RP1: variants seen among roughly 807,000 people sequenced by gnomAD.
The protein encoded by RP1 is RP1 axonemal microtubule associated, also known as oxygen-regulated protein 1.
A neutral mutation model predicts 14.8 loss-of-function variants in RP1; 16 were observed. The ratio of observed to expected loss-of-function variants is 1.08; its 90% CI spans 0.73 to 1.65. The LOEUF is 1.65. Among genes scored for constraint, RP1 ranks in the 40% most tolerant of loss-of-function variants. The pLI is 0.00. For synonymous variants in RP1, 876 were observed against 883.6 expected, an observed-to-expected ratio of 0.99 and a Z score of 0.15; for missense variants, 2,631 against 2,535.0, an observed-to-expected ratio of 1.04 and a Z score of -0.81.
At chr8:54,803,259 A>T (rs72650368) in intron 24 of RP1, among the ~76,000 whole-genome samples, 10,706 of 152,242 alleles carry the variant, frequency 0.07, 539 homozygotes, top group Non-Finnish European at 0.11. Context: ...CTATATGAAC[A>T]TGTTCCTCAC....
chr8:54,819,035 A>G (rs935499374), intron 24 of RP1, among the ~76,000 whole-genome samples: 1 of 152,058 alleles, frequency 6.6e-6, no homozygotes, highest in African/African-American at 2.4e-5. Flanking sequence ...GAACACATTC[A>G]TTATAAACTT....
chr8:54,681,780 G>A lies in RP1; in HGVS notation c.1717+1847G>A, dbSNP rs149902465. ...CATCATTCAGCTCCCACTTATAAGT[G>A]AGAACATGCAGTGTTTGGTTTTCTG... On this transcript the variant is annotated intron_variant, in intron 12 of 22. Transcript: ENST00000636932. Among the ~76,000 whole-genome samples the A allele has an allele frequency of 3.2e-4, 49 of 152,198 alleles. No homozygotes were observed. The East Asian group carries it at 9.3e-3, about 29-fold the overall frequency.
chr8:54,778,176 T>A (rs1412318605), intron 23 of RP1, among the ~76,000 whole-genome samples: 1 of 152,172 alleles, frequency 6.6e-6, no homozygotes, highest in Non-Finnish European at 1.5e-5. Flanking sequence ...TTCAGGGACT[T>A]ACAATCTGGG....
chr8:54,674,415 A>T (rs1807247919), intron 8 of RP1, among the ~76,000 whole-genome samples: 2 of 151,876 alleles, frequency 1.3e-5, no homozygotes, highest in Admixed American at 1.3e-4. Flanking sequence ...GATGACTCAC[A>T]TCTTCCCAAT....
intron 15 of RP1, among the ~76,000 whole-genome samples, chr8:54,708,282 C>T (rs1290328280): frequency 6.6e-6 from 1 of 151,832 alleles, no homozygotes; most frequent in Non-Finnish European, 1.5e-5. Flanking sequence ...GGGTAGTAAC[C>T]AAAGGGATAG....
Position 54,625,870 on chromosome 8 carries a change from A to T in RP1, c.1988A>T (p.Lys663Met). Residue 663 changes from lysine (K) to methionine (M), a missense_variant, in exon 4 of 4, where the codon AAG becomes ATG. Lys to Met is a moderately conservative substitution (Grantham distance 95). Transcript: ENST00000220676. Reference sequence around the variant, plus strand: ...ACAAAACTTCCAAAAAATGAAAAGAAGATTTTGTCATCTGTTGCCAGCAAA... The same window carrying T: ...ACAAAACTTCCAAAAAATGAAAAGATGATTTTGTCATCTGTTGCCAGCAAA... ...GLTKLPKNEK[K>M]ILSSVASKKK... The T allele has an allele frequency of 1.2e-6, 2 of 1,613,866 alleles. No homozygotes were observed. Among genetic ancestry groups the T allele is most frequent in the Non-Finnish European group, 1.7e-6 (2 of 1,179,972 alleles).
At chr8:54,686,094 T>C (rs558351718) in intron 12 of RP1, among the ~76,000 whole-genome samples, 6 of 152,198 alleles carry the variant, frequency 3.9e-5, no homozygotes, top group Non-Finnish European at 7.3e-5. Flanking sequence ...AGTCTTGCCA[T>C]ATACAAAGCA....
intron 19 of RP1, among the ~76,000 whole-genome samples, chr8:54,754,494 A>C (rs529296502): frequency 6.6e-6 from 1 of 152,196 alleles, no homozygotes; most frequent in African/African-American, 2.4e-5. Context: ...AAAATAAAGC[A>C]CTCAGCATAA....
At chr8:54,614,038 G>A (rs1001421928), upstream of RP1, among the ~76,000 whole-genome samples, 2 of 152,202 alleles carry the variant, frequency 1.3e-5, no homozygotes, top group Admixed American at 6.5e-5. Context: ...AACACATAAT[G>A]TATATTCTCT....
chr8:54,607,708 G>C (rs892431162), intron 1 of RP1, among the ~76,000 whole-genome samples: 5 of 152,152 alleles, frequency 3.3e-5, no homozygotes, highest in Admixed American at 2.6e-4. Flanking sequence ...TGAGGTTCCT[G>C]GCCACTTTGT....
intron 23 of RP1, among the ~76,000 whole-genome samples, chr8:54,782,650 T>A (rs1344039792): frequency 6.6e-6 from 1 of 152,206 alleles, no homozygotes; most frequent in Non-Finnish European, 1.5e-5. Flanking sequence ...TGTCCTTTGC[T>A]GTGCTTGGCT....
intron 12 of RP1, among the ~76,000 whole-genome samples, chr8:54,693,934 AG>A (rs1481528935): frequency 1.3e-5 from 2 of 152,106 alleles, no homozygotes; most frequent in African/African-American, 2.4e-5. Flanking sequence ...TTGCCCATTC[AG>A]TATGATATTG....
At chr8:54,836,317 G>T (rs1811655583) in intron 24 of RP1, among the ~76,000 whole-genome samples, 1 of 152,080 alleles carries the variant, frequency 6.6e-6, no homozygotes, top group African/African-American at 2.4e-5. Context: ...TTGGCCTCAT[G>T]ATTTTTGGCC....
chr8:54,784,628 A>G (rs1230719454), intron 24 of RP1, among the ~76,000 whole-genome samples: 1 of 152,164 alleles, frequency 6.6e-6, no homozygotes, highest in African/African-American at 2.4e-5. Context: ...TTGAAAAACT[A>G]TGGTGTAAAA....
intron 17 of RP1, among the ~76,000 whole-genome samples, chr8:54,731,586 A>G (rs753480952): frequency 5.9e-5 from 9 of 152,184 alleles, no homozygotes; most frequent in Non-Finnish European, 1.2e-4. Context: ...ATTCTGCATT[A>G]TAGATTATAT....
At chr8:54,840,281 C>A (rs1301289907) in intron 25 of RP1, among the ~76,000 whole-genome samples, 1 of 151,672 alleles carries the variant, frequency 6.6e-6, no homozygotes, top group East Asian at 1.9e-4. Flanking sequence ...GAGATGGAGT[C>A]TCTCTCTGTT....
At chr8:54,715,829 GAT>G in intron 15 of RP1, among the ~76,000 whole-genome samples, 1 of 152,294 alleles carries the variant, frequency 6.6e-6, no homozygotes, top group South Asian at 2.1e-4. Context: ...TGCTACAGTA[GAT>G]ATACTAAGAC....
intron 26 of RP1, among the ~76,000 whole-genome samples, chr8:54,853,830 AAG>A (rs1201374143): frequency 7.8e-6 from 1 of 128,386 alleles, no homozygotes; most frequent in East Asian, 2.5e-4. Flanking sequence ...AAGAGAAACA[AAG>A]AGAGAGAAAG....
In RP1 at chr8:54,856,091, G is replaced by C. The variant is rs546723343; in HGVS notation, c.3991-937G>C. On this transcript the variant is annotated intron_variant, in intron 26 of 28. Transcript: ENST00000637698. Reference sequence around the variant, plus strand: ...AATGTTTGTCTACAAATAGTAGAGTGGATAAATAATTTCGAGTAATATTCA... The same window carrying C: ...AATGTTTGTCTACAAATAGTAGAGTCGATAAATAATTTCGAGTAATATTCA... Among the ~76,000 whole-genome samples, 6 of 152,212 alleles carry C rather than the reference G, an allele frequency of 3.9e-5. No individual in the cohort carries two copies. In the East Asian group the frequency reaches 1.2e-3, roughly 29 times the overall value.
Sources: allele counts gnomAD v4.1 joint callset (sites outside exome capture counted in the v4.1 genomes callset), GRCh38; gene constraint gnomAD v4.1.1; transcripts MANE v1.5; gene names NCBI Gene and HGNC (gene_info 2026-07-23, HGNC 2026-07-21).